The following ERBB4 variants were observed in gnomAD, a reference collection of about 807,000 sequenced individuals.
ERBB4 encodes the protein receptor tyrosine-protein kinase erbB-4.
Under a neutral mutation model 158.0 loss-of-function variants are expected in ERBB4, and 42 were observed. That is an observed-to-expected ratio of 0.27 (90% confidence interval 0.21 to 0.34). ERBB4 has a LOEUF of 0.34. Among genes scored for constraint, ERBB4 ranks in the 10% least tolerant of loss-of-function variants. The pLI is 1.00. For missense variants in ERBB4, 1,333 were observed against 1,624.1 expected (o/e 0.82, Z 3.08); for synonymous variants, 583 against 558.7 (o/e 1.04, Z -0.61).
intron 20 of ERBB4, among the ~76,000 whole-genome samples, chr2:211,476,747 A>G (rs2064963719): frequency 6.6e-6 from 1 of 152,116 alleles, no homozygotes; most frequent in African/African-American, 2.4e-5. Context: ...AATACAAAAC[A>G]AAAGAAAAAC....
At chr2:212,220,765 T>C (rs764987902) in intron 1 of ERBB4, among the ~76,000 whole-genome samples, 4 of 151,500 alleles carry the variant, frequency 2.6e-5, no homozygotes, top group Admixed American at 2.0e-4. Flanking sequence ...TAAAATTTTC[T>C]GACCAAGCTA....
intron 1 of ERBB4, among the ~76,000 whole-genome samples, chr2:212,396,612 C>T (rs1245650678): frequency 1.3e-5 from 2 of 152,132 alleles, no homozygotes; most frequent in Non-Finnish European, 2.9e-5. Flanking sequence ...ATTTCATGGC[C>T]TACAGAGATC....
At chr2:212,326,397 T>C (rs896589279) in intron 1 of ERBB4, among the ~76,000 whole-genome samples, 1 of 150,748 alleles carries the variant, frequency 6.6e-6, no homozygotes, top group Non-Finnish European at 1.5e-5. Flanking sequence ...TAACAAACTT[T>C]AAATAAATGC....
intron 2 of ERBB4, among the ~76,000 whole-genome samples, chr2:211,983,545 C>T (rs1362565716): frequency 2.0e-5 from 3 of 152,260 alleles, no homozygotes; most frequent in Non-Finnish European, 4.4e-5. Context: ...ATTTATCCAG[C>T]ACACACAACT....
At chr2:211,388,064 CGAAAAA>C (rs989931626) in intron 25 of ERBB4, 72 bp from the exon 26 acceptor site, 1 of 1,230,340 alleles carries the variant, frequency 8.1e-7, no homozygotes, top group African/African-American at 1.5e-5. Flanking sequence ...AAAAAAGAAA[CGAAAAA>C]GAAAAGCCAC....
At chr2:211,551,750 G>A (rs2067104590) in intron 20 of ERBB4, among the ~76,000 whole-genome samples, 1 of 152,158 alleles carries the variant, frequency 6.6e-6, no homozygotes, top group African/African-American at 2.4e-5. Flanking sequence ...AGAAATGTCA[G>A]CACCCAGTTC....
At chr2:211,487,618 C>T (rs1486744480) in intron 20 of ERBB4, among the ~76,000 whole-genome samples, 2 of 152,122 alleles carry the variant, frequency 1.3e-5, no homozygotes, top group African/African-American at 2.4e-5. Context: ...AAAACAATGG[C>T]GTTGCAATGT....
chr2:211,921,246 T>C (rs79849291), intron 3 of ERBB4, among the ~76,000 whole-genome samples: 3,768 of 152,146 alleles, frequency 0.025, 69 homozygotes, highest in South Asian at 0.051. Flanking sequence ...ATTCAAGCTT[T>C]CCTTTTTCCC....
chr2:211,946,173 C>T (rs1309661607), intron 3 of ERBB4, among the ~76,000 whole-genome samples: 1 of 151,908 alleles, frequency 6.6e-6, no homozygotes, highest in Non-Finnish European at 1.5e-5. Context: ...TTGCATTCAC[C>T]ATTATTTCAT....
chr2:211,386,992 T>TA lies in ERBB4; in HGVS notation c.3341_3342insT (p.Val1115SerfsTer10), dbSNP rs769809031. ...TGTCCTCTTGGACATGGGGTGCCAC[T>TA]GGCTTGCGTAGGGTGCCATTACAGC... On this transcript the variant is annotated frameshift_variant, in exon 27 of 28. Coordinates refer to ENST00000342788, the MANE Select transcript of ERBB4 (RefSeq NM_005235.3). LOFTEE classifies it high-confidence loss of function. 1 of 1,614,118 alleles carries TA rather than the reference T, an allele frequency of 6.2e-7. No homozygotes were observed. Among genetic ancestry groups the TA allele is most frequent in the Non-Finnish European group, 8.5e-7 (1 of 1,180,028 alleles).
intron 20 of ERBB4, among the ~76,000 whole-genome samples, chr2:211,510,511 T>C (rs2065860327): frequency 6.6e-6 from 1 of 152,106 alleles, no homozygotes; most frequent in Non-Finnish European, 1.5e-5. Context: ...TGCCATTGAC[T>C]CTTTAGATGA....
At chr2:212,147,471 G>T (rs2080720920) in intron 1 of ERBB4, among the ~76,000 whole-genome samples, 2 of 151,970 alleles carry the variant, frequency 1.3e-5, no homozygotes, top group Admixed American at 6.6e-5. Flanking sequence ...AGACTAGATT[G>T]CCTCTAAGTA....
At chr2:212,357,997 T>A (rs1331446056) in intron 1 of ERBB4, among the ~76,000 whole-genome samples, 1 of 151,906 alleles carries the variant, frequency 6.6e-6, no homozygotes, top group African/African-American at 2.4e-5. Context: ...CAAAGTACAT[T>A]TTCTAGGCCA....
At chr2:211,873,554 T>G (rs1187256675) in intron 3 of ERBB4, among the ~76,000 whole-genome samples, 1 of 152,282 alleles carries the variant, frequency 6.6e-6, no homozygotes, top group Non-Finnish European at 1.5e-5. Flanking sequence ...CTACATATTT[T>G]TTTCCCCAAA....
chr2:211,611,018 G>T (rs967153669), intron 19 of ERBB4, among the ~76,000 whole-genome samples: 1 of 152,012 alleles, frequency 6.6e-6, no homozygotes, highest in Non-Finnish European at 1.5e-5. Flanking sequence ...ATCCCCTAAG[G>T]CAGTATTTAA....
chr2:211,448,123 C>A (rs1050488629), intron 20 of ERBB4, among the ~76,000 whole-genome samples: 1 of 152,044 alleles, frequency 6.6e-6, no homozygotes, highest in African/African-American at 2.4e-5. Flanking sequence ...CACATGCGTG[C>A]CACCACACCT....
intron 3 of ERBB4, among the ~76,000 whole-genome samples, chr2:211,814,796 C>T (rs2076843296): frequency 6.6e-6 from 1 of 152,066 alleles, no homozygotes; most frequent in African/African-American, 2.4e-5. Flanking sequence ...GAAAGTTTCT[C>T]GATAATGTTT....
chr2:211,674,895 ATTC>A lies in ERBB4; in HGVS notation c.1623-1641_1623-1639del, dbSNP rs199711214. On this transcript the variant is annotated intron_variant, in intron 13 of 27. Transcript: ENST00000342788. ...CTAGAACAAAGGTCACGTTTTTCTTATTCTTCTTCTCCAAAACCCACTTCCCCA... is the reference window on the plus strand; with the variant it reads ...CTAGAACAAAGGTCACGTTTTTCTTATTCTTCTCCAAAACCCACTTCCCCA... Among the ~76,000 whole-genome samples, 985 of 152,182 alleles carry A rather than the reference ATTC, an allele frequency of 6.5e-3. 12 individuals carry two copies. The highest frequency in any genetic ancestry group is 0.022 in the African/African-American group (921 of 41,550).
chr2:211,862,244 A>G (rs2078076605), intron 3 of ERBB4, among the ~76,000 whole-genome samples: 1 of 152,180 alleles, frequency 6.6e-6, no homozygotes, highest in Non-Finnish European at 1.5e-5. Flanking sequence ...TATCGGCTAA[A>G]GGGATAAAAA....
Sources: allele counts gnomAD v4.1 joint callset (sites outside exome capture counted in the v4.1 genomes callset), GRCh38; gene constraint gnomAD v4.1.1; transcripts MANE v1.5; gene names NCBI Gene and HGNC (gene_info 2026-07-23, HGNC 2026-07-21).